Variants in CMIP observed in about 807,000 individuals in gnomAD.
CMIP encodes the protein C-Maf-inducing protein.
CMIP carries 13 observed loss-of-function variants against 97.3 expected under a neutral mutation model. That is an observed-to-expected ratio of 0.13 (90% CI 0.09 to 0.21). The LOEUF (loss-of-function observed/expected upper bound fraction) is 0.21, where lower values mean the gene tolerates loss of function less well. CMIP is among the 10% of genes least tolerant of loss of function. The pLI is 1.00. For missense variants in CMIP, 847 were observed against 1,024.9 expected, an observed-to-expected ratio of 0.83 and a Z score of 2.37; for synonymous variants, 538 against 436.3, an observed-to-expected ratio of 1.23 and a Z score of -2.91.
chr16:81,649,549 A>C (rs531893703), intron 3 of CMIP, among the ~76,000 whole-genome samples: 13 of 152,358 alleles, frequency 8.5e-5, no homozygotes, highest in African/African-American at 2.9e-4. Flanking sequence ...ATGTTCACCA[A>C]ATATTAATGG....
chr16:81,601,440 C>T (rs2091656141), intron 1 of CMIP, among the ~76,000 whole-genome samples: 1 of 152,140 alleles, frequency 6.6e-6, no homozygotes, highest in South Asian at 2.1e-4. Flanking sequence ...TCACCCCATT[C>T]CCCACCCACT....
chr16:81,670,611 G>T (rs1216084771), intron 8 of CMIP, among the ~76,000 whole-genome samples: 3 of 45,160 alleles, frequency 6.6e-5, no homozygotes, highest in African/African-American at 3.7e-4. Context: ...TGGTGTTTTG[G>T]GTTTTTTTTG....
At chr16:81,631,895 T>G (rs896753160) in intron 3 of CMIP, 2 of 152,210 alleles carry the variant, frequency 1.3e-5, no homozygotes, top group Admixed American at 6.5e-5. Flanking sequence ...CAGTGTATAC[T>G]TGCACCAGCA....
chr16:81,703,137 C>T (rs1475802495), intron 17 of CMIP, among the ~76,000 whole-genome samples: 2 of 152,124 alleles, frequency 1.3e-5, no homozygotes, highest in African/African-American at 2.4e-5. Context: ...GCTCAGGCTC[C>T]AGACCTCTTG....
At chr16:81,495,516 G>T (rs1469734580) in intron 1 of CMIP, 4 of 1,611,990 alleles carry the variant, frequency 2.5e-6, no homozygotes, top group East Asian at 2.2e-5. Flanking sequence ...TGTGGGGAAC[G>T]ACTCTGTCCA....
chr16:81,523,239 T>C (rs2090063290), intron 1 of CMIP, among the ~76,000 whole-genome samples: 1 of 152,250 alleles, frequency 6.6e-6, no homozygotes, highest in Non-Finnish European at 1.5e-5. Context: ...TTTTTAAAGT[T>C]CCCTTGCAGC....
chr16:81,509,387 C>T (rs957400203), intron 1 of CMIP, among the ~76,000 whole-genome samples: 9 of 152,194 alleles, frequency 5.9e-5, no homozygotes, highest in East Asian at 1.9e-4. Context: ...TCACCTAGCT[C>T]GGCATAACAC....
intron 1 of CMIP, among the ~76,000 whole-genome samples, chr16:81,570,293 C>G (rs775444400): frequency 6.6e-6 from 1 of 152,124 alleles, no homozygotes. Context: ...CCTAGCACCC[C>G]GTGTTGTCAG....
At chr16:81,472,039 T>G (rs1332470875) in intron 1 of CMIP, among the ~76,000 whole-genome samples, 2 of 152,214 alleles carry the variant, frequency 1.3e-5, no homozygotes, top group Non-Finnish European at 2.9e-5. Flanking sequence ...TTCACGGACA[T>G]GTACATGCAT....
At chr16:81,484,205 G>C (rs1368614875) in intron 1 of CMIP, among the ~76,000 whole-genome samples, 2 of 152,138 alleles carry the variant, frequency 1.3e-5, no homozygotes, top group East Asian at 3.9e-4. Context: ...TTCCCTGGCG[G>C]ACCTCGCCCG....
At chr16:81,467,669 C>T (rs553558310) in intron 1 of CMIP, among the ~76,000 whole-genome samples, 3 of 151,698 alleles carry the variant, frequency 2.0e-5, no homozygotes, top group Non-Finnish European at 4.4e-5. Flanking sequence ...CAACCTCCGC[C>T]TTCCAGGTTC....
At chr16:81,531,275 AT>A (rs2090230196) in intron 1 of CMIP, among the ~76,000 whole-genome samples, 1 of 152,144 alleles carries the variant, frequency 6.6e-6, no homozygotes, top group East Asian at 1.9e-4. Context: ...AATGCCAAGG[AT>A]TTTGGCAGCC....
chr16:81,587,820 T>G (rs1173935126), intron 1 of CMIP, among the ~76,000 whole-genome samples: 1 of 152,094 alleles, frequency 6.6e-6, no homozygotes, highest in Non-Finnish European at 1.5e-5. Flanking sequence ...GAGCCTCAGA[T>G]GTTTTGGGCC....
Position 81,592,580 on chromosome 16 carries a change from G to A in CMIP, c.301-14987G>A, listed in dbSNP as rs550091011. Reference sequence around the variant, plus strand: ...CACTCCCCATTACTTTGCACCCTCCGCTCACCCTGCTCATCCTGGGGCTCC... The same window carrying A: ...CACTCCCCATTACTTTGCACCCTCCACTCACCCTGCTCATCCTGGGGCTCC... On this transcript the variant is annotated intron_variant, in intron 1 of 20. Coordinates refer to ENST00000537098, the MANE Select transcript of CMIP (RefSeq NM_198390.3). Among the ~76,000 whole-genome samples, 6 of 152,210 alleles carry A rather than the reference G, an allele frequency of 3.9e-5. No homozygotes were observed. In the East Asian group the frequency reaches 5.8e-4, roughly 15 times the overall value.
At chr16:81,463,236 T>C (rs1193922277) in intron 1 of CMIP, among the ~76,000 whole-genome samples, 1 of 152,160 alleles carries the variant, frequency 6.6e-6, no homozygotes, top group East Asian at 1.9e-4. Flanking sequence ...AGTTTCCTCA[T>C]TGTCTTTGTT....
intron 1 of CMIP, among the ~76,000 whole-genome samples, chr16:81,559,661 C>A (rs985043209): frequency 1.3e-5 from 2 of 152,210 alleles, no homozygotes; most frequent in African/African-American, 4.8e-5. Flanking sequence ...ACCTCTCGCA[C>A]TGCCAGTCGT....
rs34660094 is a variant in CMIP at position 81,661,996 on chromosome 16, A to AGT, written c.744+1063_744+1064dup. Among the ~76,000 whole-genome samples the AGT allele has an allele frequency of 3.9e-3, 600 of 151,902 alleles. 1 individual carries two copies. Among genetic ancestry groups the AGT allele is most frequent in the African/African-American group, 0.013 (540 of 41,420 alleles). On this transcript the variant is annotated intron_variant, in intron 6 of 20. Transcript: ENST00000537098. ...CTGGCCCAGGGAGTGAACACCCGTG[A>AGT]GTGTGTGTGTGTGTATACAGGTGTG...
intron 1 of CMIP, among the ~76,000 whole-genome samples, chr16:81,504,641 CAAAAA>C (rs149715666): frequency 1.8e-3 from 128 of 71,972 alleles, no homozygotes; most frequent in Middle Eastern, 9.3e-3. Flanking sequence ...AGACTCGTCT[CAAAAA>C]AAAAAAAAAA....
intron 1 of CMIP, among the ~76,000 whole-genome samples, chr16:81,545,046 G>A (rs1033369365): frequency 1.1e-4 from 16 of 152,060 alleles, no homozygotes; most frequent in African/African-American, 3.1e-4. Flanking sequence ...ACCTTTTGCT[G>A]TTGCCCAAAA....
Sources: allele counts gnomAD v4.1 joint callset (sites outside exome capture counted in the v4.1 genomes callset), GRCh38; gene constraint gnomAD v4.1.1; transcripts MANE v1.5; gene names NCBI Gene and HGNC (gene_info 2026-07-23, HGNC 2026-07-21).